PPP1R9A: variants seen among roughly 807,000 people sequenced by gnomAD.
The protein encoded by PPP1R9A is neurabin-1.
PPP1R9A carries 59 observed loss-of-function variants against 141.9 expected under a neutral mutation model. The ratio of observed to expected loss-of-function variants is 0.42; its 90% confidence interval spans 0.34 to 0.52. The LOEUF (loss-of-function observed/expected upper bound fraction) is 0.52. PPP1R9A is among the 20% of genes least tolerant of loss of function. The pLI, the probability that PPP1R9A is intolerant of heterozygous loss-of-function variation, is 0.10. For missense variants in PPP1R9A, 1,444 were observed against 1,611.9 expected, an observed-to-expected ratio of 0.90 and a Z score of 1.78; for synonymous variants, 500 against 569.7, an observed-to-expected ratio of 0.88 and a Z score of 1.74.
chr7:95,026,325 G>T (rs1806830846), intron 2 of PPP1R9A, among the ~76,000 whole-genome samples: 1 of 152,032 alleles, frequency 6.6e-6, no homozygotes, highest in African/African-American at 2.4e-5. Context: ...CCTTCTAACA[G>T]TTAGGCCTCT....
At chr7:95,239,047 G>A (rs1343791662) in intron 8 of PPP1R9A, among the ~76,000 whole-genome samples, 1 of 151,976 alleles carries the variant, frequency 6.6e-6, no homozygotes, top group Non-Finnish European at 1.5e-5. Flanking sequence ...GTCTTTTCAA[G>A]TTTTTCTTTT....
chr7:95,073,784 G>T (rs1244616692), intron 2 of PPP1R9A, among the ~76,000 whole-genome samples: 1 of 151,592 alleles, frequency 6.6e-6, no homozygotes, highest in Admixed American at 6.6e-5. Context: ...GTCTTGCTGT[G>T]TTGCCTAGGT....
At chr7:94,940,315 G>T (rs1795201626) in intron 2 of PPP1R9A, among the ~76,000 whole-genome samples, 1 of 151,804 alleles carries the variant, frequency 6.6e-6, no homozygotes, top group Admixed American at 6.6e-5. Context: ...CCATTTAGCA[G>T]GATCAAGTAT....
At chr7:95,200,878 G>A (rs1040842953) in intron 6 of PPP1R9A, among the ~76,000 whole-genome samples, 2 of 152,136 alleles carry the variant, frequency 1.3e-5, no homozygotes, top group East Asian at 1.9e-4. Context: ...AGCAACTGAG[G>A]TTTTTTTCTA....
chr7:94,925,900 C>T (rs1220365664), intron 2 of PPP1R9A, among the ~76,000 whole-genome samples: 2 of 152,066 alleles, frequency 1.3e-5, no homozygotes, highest in African/African-American at 2.4e-5. Flanking sequence ...GATCACAGCT[C>T]ACTACAGCCT....
chr7:95,093,177 G>A (rs1584648574), intron 2 of PPP1R9A, among the ~76,000 whole-genome samples: 1 of 152,120 alleles, frequency 6.6e-6, no homozygotes. Flanking sequence ...GACTTTCTCA[G>A]GATAGACCAC....
At chr7:94,942,344 A>G (rs1212394813) in intron 2 of PPP1R9A, among the ~76,000 whole-genome samples, 1 of 152,234 alleles carries the variant, frequency 6.6e-6, no homozygotes, top group Non-Finnish European at 1.5e-5. Context: ...TTGTCTAGGA[A>G]TAAGTCAACC....
chr7:95,085,524 C>T (rs1405809124), intron 2 of PPP1R9A, among the ~76,000 whole-genome samples: 1 of 150,654 alleles, frequency 6.6e-6, no homozygotes, highest in African/African-American at 2.5e-5. Flanking sequence ...AAGCGATTCT[C>T]CTGCCTCAGC....
At chr7:94,964,698 T>C (rs1383633485) in intron 2 of PPP1R9A, among the ~76,000 whole-genome samples, 1 of 152,210 alleles carries the variant, frequency 6.6e-6, no homozygotes, top group Non-Finnish European at 1.5e-5. Flanking sequence ...TATTCCATGG[T>C]ATATATGTGC....
chr7:95,071,095 T>C (rs1336798324), intron 2 of PPP1R9A, among the ~76,000 whole-genome samples: 1 of 152,052 alleles, frequency 6.6e-6, no homozygotes, highest in African/African-American at 2.4e-5. Context: ...GATTCACATG[T>C]ATTCAGGGCT....
At chr7:95,034,322 A>T (rs2151840134) in intron 2 of PPP1R9A, among the ~76,000 whole-genome samples, 1 of 151,994 alleles carries the variant, frequency 6.6e-6, no homozygotes, top group African/African-American at 2.4e-5. Context: ...TAACATTTTT[A>T]AAATACAGCA....
chr7:95,189,612 A>G (rs1585158711), intron 5 of PPP1R9A, among the ~76,000 whole-genome samples: 1 of 150,140 alleles, frequency 6.7e-6, no homozygotes, highest in African/African-American at 2.5e-5. Context: ...AATTTTTTGT[A>G]TTTTTAGTAG....
chr7:95,091,257 C>T (rs6957910), intron 2 of PPP1R9A, among the ~76,000 whole-genome samples: 51,235 of 151,032 alleles, frequency 0.34, 10,010 homozygotes, highest in Non-Finnish European at 0.44. Context: ...TATTTTTGTC[C>T]CCCAGAAAGT....
chr7:94,922,352 A>C (rs1792956185), intron 2 of PPP1R9A, among the ~76,000 whole-genome samples: 1 of 151,960 alleles, frequency 6.6e-6, no homozygotes, highest in Admixed American at 6.6e-5. Context: ...TATAATTTCT[A>C]CTTGATATAT....
In PPP1R9A at chr7:95,272,579, T is replaced by C. The variant is rs148767366; in HGVS notation, c.3125-1320T>C. 7.2e-3 allele frequency among the ~76,000 whole-genome samples: 1,099 copies of C among 152,324 alleles called. 12 individuals are homozygous for C. The highest frequency in any genetic ancestry group is 0.025 in the African/African-American group (1,027 of 41,568). ...AGTGAGTTGCTTATTGTAATCTAAG[T>C]ATCATTAACTAAAAATATGAAAAGC... On this transcript the variant is annotated intron_variant, in intron 14 of 19. Coordinates refer to ENST00000433360, the MANE Select transcript of PPP1R9A (RefSeq NM_001166160.2).
intron 9 of PPP1R9A, among the ~76,000 whole-genome samples, chr7:95,249,709 A>G (rs936254386): frequency 6.6e-6 from 1 of 152,160 alleles, no homozygotes; most frequent in Non-Finnish European, 1.5e-5. Context: ...TTCGTTGGAT[A>G]TATCAAACTC....
At chr7:95,208,356 C>T (rs1791282650) in intron 7 of PPP1R9A, among the ~76,000 whole-genome samples, 2 of 152,032 alleles carry the variant, frequency 1.3e-5, no homozygotes, top group African/African-American at 2.4e-5. Flanking sequence ...GGACTGACTA[C>T]GTAAATGTGA....
chr7:94,957,137 A>G (rs1477737957), intron 2 of PPP1R9A, among the ~76,000 whole-genome samples: 1 of 152,138 alleles, frequency 6.6e-6, no homozygotes, highest in Non-Finnish European at 1.5e-5. Flanking sequence ...AAGCTACACT[A>G]CAGTTTTATC....
intron 7 of PPP1R9A, among the ~76,000 whole-genome samples, chr7:95,214,810 G>A (rs955681812): frequency 6.6e-6 from 1 of 152,062 alleles, no homozygotes; most frequent in South Asian, 2.1e-4. Flanking sequence ...CAAAATTTTA[G>A]GAAGAATAAT....
Sources: gnomAD v4.1 joint callset for allele counts (sites outside exome capture counted in the v4.1 genomes callset) on GRCh38, gnomAD v4.1.1 for gene constraint, MANE v1.5 for transcripts, NCBI Gene and HGNC (gene_info 2026-07-23, HGNC 2026-07-21) for gene names.